The following ICA1L variants were observed in gnomAD, a reference collection of about 807,000 sequenced individuals.
The protein encoded by ICA1L is islet cell autoantigen 1 like.
Under a neutral mutation model 61.3 loss-of-function variants are expected in ICA1L, and 50 were observed. The observed-to-expected ratio is 0.82, with a 90% CI of 0.65 to 1.03. ICA1L has a LOEUF of 1.03. ICA1L is among the 50% of genes least tolerant of loss of function. The pLI is 0.00. For synonymous variants in ICA1L, 161 were observed against 191.3 expected, an observed-to-expected ratio of 0.84 and a Z score of 1.31; for missense variants, 508 against 556.7, an observed-to-expected ratio of 0.91 and a Z score of 0.88.
intron 9 of ICA1L, among the ~76,000 whole-genome samples, chr2:202,809,103 A>G (rs1693305233): frequency 1.3e-5 from 2 of 152,108 alleles, no homozygotes; most frequent in Admixed American, 6.6e-5. Context: ...CAGAGAGAGA[A>G]TTCAAAATAG....
intron 10 of ICA1L, 36 bp from the exon 11 acceptor site, chr2:202,789,123 G>T: frequency 1.3e-6 from 2 of 1,545,400 alleles, no homozygotes; most frequent in South Asian, 2.4e-5. Context: ...AGGCTTTTTT[G>T]ATTTTAGGAA....
At chr2:202,841,690 A>G in intron 1 of ICA1L, 1 of 537,460 alleles carries the variant, frequency 1.9e-6, no homozygotes. Context: ...CACCGGGCCC[A>G]CGCGCATAGG....
At chr2:202,795,535 C>T (rs1440400349) in intron 10 of ICA1L, among the ~76,000 whole-genome samples, 1 of 151,330 alleles carries the variant, frequency 6.6e-6, no homozygotes, top group East Asian at 2.0e-4. Context: ...GCAGAGGTTG[C>T]AGTGAGCCAA....
chr2:202,839,096 T>C (rs1299940171), intron 1 of ICA1L, among the ~76,000 whole-genome samples: 5 of 152,152 alleles, frequency 3.3e-5, no homozygotes, highest in Non-Finnish European at 7.4e-5. Context: ...ATCCAAACCA[T>C]ATCGGTGTAC....
chr2:202,806,643 T>A (rs1693234744), intron 9 of ICA1L, among the ~76,000 whole-genome samples: 1 of 149,950 alleles, frequency 6.7e-6, no homozygotes, highest in East Asian at 1.9e-4. Context: ...TGAGACTCTG[T>A]CTCAAAAAAA....
At chr2:202,811,544 C>A (rs1693378596) in intron 9 of ICA1L, among the ~76,000 whole-genome samples, 1 of 151,696 alleles carries the variant, frequency 6.6e-6, no homozygotes, top group African/African-American at 2.4e-5. Context: ...CACCTGTAGT[C>A]CCAGCTACTC....
At chr2:202,856,867 A>G (rs1694782978) in intron 1 of ICA1L, among the ~76,000 whole-genome samples, 1 of 152,192 alleles carries the variant, frequency 6.6e-6, no homozygotes, top group Non-Finnish European at 1.5e-5. Context: ...ACCATGAGTG[A>G]ACTCCCATTC....
chr2:202,861,897 A>AG (rs1168418624), intron 1 of ICA1L, among the ~76,000 whole-genome samples: 1 of 150,272 alleles, frequency 6.7e-6, no homozygotes, highest in East Asian at 1.9e-4. Context: ...AAAAAAAAAA[A>AG]AAAAAAAAGT....
intron 12 of ICA1L, 83 bp downstream of exon 12, chr2:202,785,835 T>C: frequency 1.3e-6 from 1 of 786,596 alleles, no homozygotes; most frequent in Non-Finnish European, 2.1e-6. Flanking sequence ...GTGAAAACAA[T>C]ATAAAGTGAT....
intron 1 of ICA1L, among the ~76,000 whole-genome samples, chr2:202,868,247 C>G: frequency 6.6e-6 from 1 of 152,082 alleles, no homozygotes; most frequent in East Asian, 1.9e-4. Flanking sequence ...GATAAAAGAG[C>G]AGGAATGAAT....
At position 202,788,944 on chromosome 2, in the gene ICA1L, C is replaced by T; in HGVS notation, c.1129G>A (p.Ala377Thr). ...GAAGGCTCCTGGGATGTGAGACTGG[C>T]ACTGGGGCTCCCAAAGGCAGTCTGG... ...ECQTAFGSPS[A>T]SLTSQEPSMG... Residue 377 changes from alanine to threonine, a missense_variant, in exon 11 of 13, where the codon GCC (alanine) becomes ACC (threonine). Physicochemically the swap from Ala to Thr is moderately conservative, Grantham distance 58 (BLOSUM62 0). Transcript: ENST00000358299. 1 of 1,614,124 alleles carries T rather than the reference C, an allele frequency of 6.2e-7. No individual in the cohort carries two copies. Among genetic ancestry groups the T allele is most frequent in the South Asian group, 1.1e-5 (1 of 91,084 alleles).
At chr2:202,864,627 A>ATGTGTGTGTGTGTGTGTGTGTGTGTG (rs566451955) in intron 1 of ICA1L, among the ~76,000 whole-genome samples, 8 of 150,286 alleles carry the variant, frequency 5.3e-5, no homozygotes, top group African/African-American at 2.0e-4. Flanking sequence ...GTATATATAT[A>ATGTGTGTGTGTGTGTGTGTGTGTGTG]TGTGTGTGTG....
In ICA1L at chr2:202,785,905, A is replaced by G. The variant is rs1187441485; in HGVS notation, c.1333+13T>C. The G allele has an allele frequency of 2.9e-6, 4 of 1,395,010 alleles. No individual in the cohort carries two copies. The highest frequency in any genetic ancestry group is 4.0e-6 in the Non-Finnish European group (4 of 993,292). The allele number at this position is 1,395,010 out of a possible 1,614,324, so 86.4% of individuals were successfully genotyped here. A position where few individuals can be genotyped will look rare whatever the true frequency, so the allele number is the denominator to read the frequency against. On this transcript the variant is annotated intron_variant, in intron 12 of 12. Coordinates refer to ENST00000358299, the MANE Select transcript of ICA1L (RefSeq NM_001288622.3). ...TAAAGCAATGATAAAGAATATATAA[A>G]TAAATAACTTACATCTTGTTAATTT...
chr2:202,841,046 C>G, intron 1 of ICA1L: 1 of 656,514 alleles, frequency 1.5e-6, no homozygotes, highest in Non-Finnish European at 2.9e-6. Context: ...TCATGCACAG[C>G]ACCACAGATG....
chr2:202,856,094 G>GAAGAAA, intron 1 of ICA1L, among the ~76,000 whole-genome samples: 1 of 149,218 alleles, frequency 6.7e-6, no homozygotes. Context: ...AAAAAAAAGG[G>GAAGAAA]AAGAAAAAGA....
At chr2:202,867,173 TGAA>T (rs1322270555) in intron 1 of ICA1L, among the ~76,000 whole-genome samples, 1 of 152,202 alleles carries the variant, frequency 6.6e-6, no homozygotes, top group Non-Finnish European at 1.5e-5. Context: ...TCTGAATATA[TGAA>T]GAATAATTAC....
intron 10 of ICA1L, among the ~76,000 whole-genome samples, chr2:202,791,422 C>T (rs1470828076): frequency 1.3e-5 from 2 of 152,018 alleles, no homozygotes; most frequent in African/African-American, 2.4e-5. Context: ...GATAAGCAAC[C>T]CAATTAAATA....
chr2:202,825,789 G>C (rs772889088), intron 2 of ICA1L, 22 bp from the exon 3 acceptor site: 1 of 1,458,454 alleles, frequency 6.9e-7, no homozygotes, highest in South Asian at 1.3e-5. Context: ...AATTTTATTA[G>C]GACAATTTAA....
intron 12 of ICA1L, among the ~76,000 whole-genome samples, chr2:202,781,064 C>T (rs1692386842): frequency 6.6e-6 from 1 of 152,074 alleles, no homozygotes; most frequent in Non-Finnish European, 1.5e-5. Flanking sequence ...CAGCATTATG[C>T]AAATGTAAGA....
Sources: allele counts gnomAD v4.1 joint callset (sites outside exome capture counted in the v4.1 genomes callset), GRCh38; gene constraint gnomAD v4.1.1; transcripts MANE v1.5; gene names NCBI Gene and HGNC (gene_info 2026-07-23, HGNC 2026-07-21).